Variants in NEDD4L observed in about 807,000 individuals in gnomAD.
NEDD4L encodes the protein NEDD4 like E3 ubiquitin protein ligase.
Under a neutral mutation model 148.9 loss-of-function variants are expected in NEDD4L, and 54 were observed. The observed-to-expected ratio is 0.36, with a 90% CI of 0.29 to 0.45. NEDD4L has a LOEUF of 0.45. NEDD4L is among the 20% of genes least tolerant of loss of function. NEDD4L has a pLI of 1.00. For missense variants in NEDD4L, 856 were observed against 1,233.8 expected, an observed-to-expected ratio of 0.69 and a Z score of 4.59; for synonymous variants, 433 against 440.7, an observed-to-expected ratio of 0.98 and a Z score of 0.22.
chr18:58,213,362 T>G (rs531019626), intron 2 of NEDD4L, among the ~76,000 whole-genome samples: 9 of 152,338 alleles, frequency 5.9e-5, no homozygotes, highest in African/African-American at 2.2e-4. Context: ...ATTTATGGAC[T>G]GTTTGTACCA....
chr18:58,274,711 A>T (rs1568542960), intron 5 of NEDD4L, among the ~76,000 whole-genome samples: 2 of 152,258 alleles, frequency 1.3e-5, no homozygotes, highest in Non-Finnish European at 2.9e-5. Flanking sequence ...TAGGCAGATG[A>T]TGAAGGACTT....
intron 1 of NEDD4L, among the ~76,000 whole-genome samples, chr18:58,100,685 A>C (rs2084694803): frequency 6.6e-6 from 1 of 152,230 alleles, no homozygotes; most frequent in Non-Finnish European, 1.5e-5. Flanking sequence ...ACAAACCTGC[A>C]AAACCTGAGG....
chr18:58,221,715 A>G (rs1342213557), intron 2 of NEDD4L: 1 of 985,306 alleles, frequency 1.0e-6, no homozygotes, highest in South Asian at 4.7e-5. Context: ...CCAGCTGAAC[A>G]CTTTCCAGCC....
At chr18:58,162,582 T>C (rs531832433) in intron 1 of NEDD4L, among the ~76,000 whole-genome samples, 49 of 150,872 alleles carry the variant, frequency 3.2e-4, no homozygotes, top group African/African-American at 7.1e-4. Flanking sequence ...CATCAGAAAT[T>C]ATCTTGCATT....
At chr18:58,253,983 G>A (rs1376774269) in intron 5 of NEDD4L, among the ~76,000 whole-genome samples, 7 of 146,546 alleles carry the variant, frequency 4.8e-5, no homozygotes, top group South Asian at 2.1e-4. Flanking sequence ...AAGAATGCTG[G>A]TGTTGCTGTT....
rs75155873 is a variant in NEDD4L, at chr18:58,065,290, C to T, written c.48+20582C>T. Among the ~76,000 whole-genome samples the T allele has an allele frequency of 7.2e-3, 1,096 of 152,240 alleles. 7 individuals are homozygous for T. The highest frequency in any genetic ancestry group is 0.025 in the African/African-American group (1,026 of 41,546). On this transcript the variant is annotated intron_variant, in intron 1 of 30. Coordinates refer to ENST00000400345, the MANE Select transcript of NEDD4L (RefSeq NM_001144967.3). The stretch of plus-strand genomic sequence containing the variant: ...ACCATCAGATGACCTTGCTGAGCTT[C>T]CAAGTGGCAATTGCTTTTGTTGTAT...
intron 1 of NEDD4L, among the ~76,000 whole-genome samples, chr18:58,147,034 C>T (rs144368794): frequency 2.6e-5 from 4 of 152,254 alleles, no homozygotes; most frequent in Admixed American, 6.5e-5. Context: ...GCCCAGGATG[C>T]GTTCTCAGGC....
intron 2 of NEDD4L, among the ~76,000 whole-genome samples, chr18:58,191,944 C>T (rs2040165788): frequency 6.6e-6 from 1 of 152,050 alleles, no homozygotes; most frequent in Non-Finnish European, 1.5e-5. Flanking sequence ...GCTGAGGCAG[C>T]TGGATTACTT....
At chr18:58,054,276 A>G (rs905298291) in intron 1 of NEDD4L, among the ~76,000 whole-genome samples, 7 of 152,218 alleles carry the variant, frequency 4.6e-5, no homozygotes, top group Admixed American at 3.9e-4. Flanking sequence ...TACCCTGAGA[A>G]CCTGAAGAAT....
At chr18:58,259,856 T>C (rs1038911519) in intron 5 of NEDD4L, among the ~76,000 whole-genome samples, 1 of 152,236 alleles carries the variant, frequency 6.6e-6, no homozygotes, top group Non-Finnish European at 1.5e-5. Flanking sequence ...AGGAGTAGTG[T>C]AGTAATCTCT....
intron 2 of NEDD4L, among the ~76,000 whole-genome samples, chr18:58,188,446 C>T (rs894107859): frequency 6.6e-6 from 1 of 152,146 alleles, no homozygotes; most frequent in Non-Finnish European, 1.5e-5. Context: ...CGAGTGGGTC[C>T]ACCTCTGCAG....
At chr18:58,180,367 C>T (rs1599422884) in intron 2 of NEDD4L, among the ~76,000 whole-genome samples, 1 of 152,156 alleles carries the variant, frequency 6.6e-6, no homozygotes, top group Non-Finnish European at 1.5e-5. Context: ...TCTGTGGTGG[C>T]ACTTAGCACA....
At chr18:58,095,977 G>A (rs1334197801) in intron 1 of NEDD4L, among the ~76,000 whole-genome samples, 1 of 151,532 alleles carries the variant, frequency 6.6e-6, no homozygotes, top group East Asian at 1.9e-4. Flanking sequence ...TTTTATGTGT[G>A]GCCCAAGACA....
At chr18:58,311,687 G>T (rs759315074) in intron 5 of NEDD4L, among the ~76,000 whole-genome samples, 1 of 152,028 alleles carries the variant, frequency 6.6e-6, no homozygotes, top group African/African-American at 2.4e-5. Context: ...CTACCCTAAA[G>T]ATAAGAGTCC....
intron 2 of NEDD4L, chr18:58,195,527 G>A: frequency 7.4e-7 from 1 of 1,342,658 alleles, no homozygotes; most frequent in Non-Finnish European, 9.8e-7. Flanking sequence ...TACCTGGGCG[G>A]GAGCGGCTGC....
intron 1 of NEDD4L, among the ~76,000 whole-genome samples, chr18:58,114,856 G>A (rs1179264526): frequency 6.6e-6 from 1 of 152,158 alleles, no homozygotes; most frequent in Non-Finnish European, 1.5e-5. Flanking sequence ...CATCTCTGTG[G>A]CCATTCCCAC....
intron 24 of NEDD4L, among the ~76,000 whole-genome samples, chr18:58,379,672 C>G (rs1054776036): frequency 6.6e-6 from 1 of 152,152 alleles, no homozygotes; most frequent in Non-Finnish European, 1.5e-5. Context: ...GTGGGCTGGA[C>G]AATATGCCTG....
chr18:58,134,083 C>G (rs914305337), intron 1 of NEDD4L, among the ~76,000 whole-genome samples: 4 of 152,190 alleles, frequency 2.6e-5, no homozygotes, highest in African/African-American at 7.2e-5. Context: ...TCACCGCAAC[C>G]TCCATCTCCT....
chr18:58,224,990 ATTTG>A (rs2044191355), intron 2 of NEDD4L, among the ~76,000 whole-genome samples: 1 of 152,132 alleles, frequency 6.6e-6, no homozygotes, highest in South Asian at 2.1e-4. Flanking sequence ...TCTTTAAATT[ATTTG>A]TTTATTGATA....
Sources: gnomAD v4.1 joint callset for allele counts (sites outside exome capture counted in the v4.1 genomes callset) on GRCh38, gnomAD v4.1.1 for gene constraint, MANE v1.5 for transcripts, NCBI Gene and HGNC (gene_info 2026-07-23, HGNC 2026-07-21) for gene names.